Variants in FBXO15 observed in about 807,000 individuals in gnomAD.
The protein encoded by FBXO15 is F-box only protein 15.
FBXO15 carries 30 observed loss-of-function variants against 49.5 expected under a neutral mutation model. That is an observed-to-expected ratio of 0.61 (90% CI 0.45 to 0.82). The LOEUF is 0.82. FBXO15 is among the 40% of genes least tolerant of loss of function. The pLI, the probability that FBXO15 is intolerant of heterozygous loss-of-function variation, is 0.00. For missense variants in FBXO15, 591 were observed against 631.5 expected, an observed-to-expected ratio of 0.94 and a Z score of 0.69; for synonymous variants, 250 against 232.7, an observed-to-expected ratio of 1.07 and a Z score of -0.68.
intron 8 of FBXO15, among the ~76,000 whole-genome samples, chr18:74,088,521 G>A (rs1912853825): frequency 6.6e-6 from 1 of 152,096 alleles, no homozygotes; most frequent in Non-Finnish European, 1.5e-5. Flanking sequence ...AGGTGTGTGT[G>A]GCATTATTTC....
chr18:74,127,468 A>G (rs1275981271), intron 5 of FBXO15, among the ~76,000 whole-genome samples: 2 of 152,266 alleles, frequency 1.3e-5, no homozygotes, highest in Non-Finnish European at 2.9e-5. Context: ...TCCAGATTAC[A>G]TCAATGAGGC....
At chr18:74,104,596 T>C (rs1032150214) in intron 8 of FBXO15, among the ~76,000 whole-genome samples, 1 of 152,056 alleles carries the variant, frequency 6.6e-6, no homozygotes, top group South Asian at 2.1e-4. Flanking sequence ...AGATATTCCA[T>C]ACAACTGCAA....
chr18:74,129,504 T>C lies in FBXO15; in HGVS notation c.686A>G (p.Tyr229Cys), dbSNP rs1354576189. Residue 229 changes from tyrosine to cysteine, a missense_variant, in exon 5 of 10, where the codon TAT becomes TGT. Transcript: ENST00000419743. ...INDTSVTVIW[Y>C]GKKWPCLASL... ...TGCTAGGCATGGCCATTTTTTGCCATACCATATAACAGTAACTGATGTGTC... is the reference window on the plus strand; with the variant it reads ...TGCTAGGCATGGCCATTTTTTGCCACACCATATAACAGTAACTGATGTGTC... The C allele has an allele frequency of 1.2e-6, 2 of 1,614,010 alleles. No homozygotes were observed. Among genetic ancestry groups the C allele is most frequent in the South Asian group, 1.1e-5 (1 of 91,068 alleles).
intron 8 of FBXO15, among the ~76,000 whole-genome samples, chr18:74,095,895 C>A (rs981890371): frequency 6.6e-6 from 1 of 152,110 alleles, no homozygotes; most frequent in Non-Finnish European, 1.5e-5. Flanking sequence ...AGATTATCAC[C>A]AGAAATATTC....
At chr18:74,108,821 C>T (rs1273649072) in intron 8 of FBXO15, among the ~76,000 whole-genome samples, 3 of 152,102 alleles carry the variant, frequency 2.0e-5, no homozygotes, top group Non-Finnish European at 4.4e-5. Flanking sequence ...GAAAAGAACA[C>T]ATTACCTATA....
At chr18:74,135,515 G>C (rs1376852232) in intron 3 of FBXO15, among the ~76,000 whole-genome samples, 2 of 152,182 alleles carry the variant, frequency 1.3e-5, no homozygotes, top group Non-Finnish European at 2.9e-5. Flanking sequence ...CAGACCTGAA[G>C]CTGCATTCTG....
chr18:74,090,553 T>G (rs983209415), intron 8 of FBXO15, among the ~76,000 whole-genome samples: 1 of 152,214 alleles, frequency 6.6e-6, no homozygotes, highest in Non-Finnish European at 1.5e-5. Context: ...TGCTATAAAC[T>G]TCCTTCATAA....
At chr18:74,101,550 T>C (rs1439686329) in intron 8 of FBXO15, among the ~76,000 whole-genome samples, 2 of 152,154 alleles carry the variant, frequency 1.3e-5, no homozygotes, top group Non-Finnish European at 2.9e-5. Flanking sequence ...AAAAGCGATC[T>C]ATAAATTCAA....
At chr18:74,080,597 T>G (rs1435991886) in intron 9 of FBXO15, among the ~76,000 whole-genome samples, 1 of 152,264 alleles carries the variant, frequency 6.6e-6, no homozygotes, top group Non-Finnish European at 1.5e-5. Flanking sequence ...AGGTCCAATT[T>G]TGAAGCCGTA....
intron 8 of FBXO15, among the ~76,000 whole-genome samples, chr18:74,086,337 C>T (rs1912735521): frequency 1.3e-5 from 2 of 152,198 alleles, no homozygotes; most frequent in Non-Finnish European, 2.9e-5. Flanking sequence ...TGCTAAAGAG[C>T]TAAACAATCT....
intron 8 of FBXO15, among the ~76,000 whole-genome samples, chr18:74,112,804 A>C (rs948244681): frequency 1.3e-5 from 2 of 152,248 alleles, no homozygotes; most frequent in African/African-American, 2.4e-5. Context: ...CACTGACAAC[A>C]CCAAATGCTG....
chr18:74,113,872 G>C (rs1914127353), intron 8 of FBXO15, among the ~76,000 whole-genome samples: 3 of 152,184 alleles, frequency 2.0e-5, no homozygotes, highest in Non-Finnish European at 4.4e-5. Flanking sequence ...GACACAACTG[G>C]ACTATTTCCT....
chr18:74,132,884 C>T (rs376744747), intron 3 of FBXO15, among the ~76,000 whole-genome samples: 8 of 152,190 alleles, frequency 5.3e-5, no homozygotes, highest in Non-Finnish European at 1.0e-4. Flanking sequence ...GTTTTTCTCA[C>T]GCAGAGACAG....
chr18:74,077,996 G>T (rs897563707), intron 9 of FBXO15, among the ~76,000 whole-genome samples: 1 of 152,132 alleles, frequency 6.6e-6, no homozygotes, highest in Non-Finnish European at 1.5e-5. Flanking sequence ...GGAGCCCTGG[G>T]TCCCATCACC....
intron 6 of FBXO15, among the ~76,000 whole-genome samples, chr18:74,125,462 C>T (rs1162744979): frequency 6.6e-6 from 1 of 152,190 alleles, no homozygotes; most frequent in African/African-American, 2.4e-5. Flanking sequence ...TCAGCCAGAC[C>T]TGGTGAAACG....
chr18:74,087,743 C>T (rs1912811752), intron 8 of FBXO15, among the ~76,000 whole-genome samples: 1 of 152,174 alleles, frequency 6.6e-6, no homozygotes, highest in African/African-American at 2.4e-5. Context: ...AATGGGATTG[C>T]TAGGTCAAAT....
intron 5 of FBXO15, among the ~76,000 whole-genome samples, chr18:74,127,596 G>A (rs1978293746): frequency 1.3e-5 from 2 of 152,210 alleles, no homozygotes; most frequent in Admixed American, 1.3e-4. Flanking sequence ...CCTGCACAAT[G>A]AAAGCATTCA....
intron 1 of FBXO15, among the ~76,000 whole-genome samples, chr18:74,146,474 T>G (rs1979418258): frequency 6.6e-6 from 1 of 152,258 alleles, no homozygotes; most frequent in Non-Finnish European, 1.5e-5. Flanking sequence ...AGATTCATCA[T>G]ATAAAAATCA....
At chr18:74,129,971 G>C (rs955211019) in intron 4 of FBXO15, among the ~76,000 whole-genome samples, 1 of 152,090 alleles carries the variant, frequency 6.6e-6, no homozygotes, top group Non-Finnish European at 1.5e-5. Context: ...CTCTGTCTCC[G>C]CAAGAAATTG....
Sources: gnomAD v4.1 joint callset for allele counts (sites outside exome capture counted in the v4.1 genomes callset) on GRCh38, gnomAD v4.1.1 for gene constraint, MANE v1.5 for transcripts, NCBI Gene and HGNC (gene_info 2026-07-23, HGNC 2026-07-21) for gene names.